Variants in TRPM3 observed in about 807,000 individuals in gnomAD.
TRPM3 encodes the protein long transient receptor potential channel 3.
TRPM3 carries 77 observed loss-of-function variants against 181.2 expected under a neutral mutation model. The observed-to-expected ratio is 0.42, with a 90% CI of 0.35 to 0.51. TRPM3 has a LOEUF of 0.51. Ranked by LOEUF, TRPM3 falls within the 20% of genes least tolerant of loss-of-function variation. The pLI is 0.01. For synonymous variants in TRPM3, 745 were observed against 796.4 expected (o/e 0.94, Z 1.09); for missense variants, 1,759 against 2,196.7 (o/e 0.80, Z 3.98).
chr9:71,333,021 G>A (rs1250148243), intron 1 of TRPM3, among the ~76,000 whole-genome samples: 1 of 151,902 alleles, frequency 6.6e-6, no homozygotes, highest in Non-Finnish European at 1.5e-5. Context: ...TCTCTTTCAA[G>A]TATAATACTT....
intron 1 of TRPM3, among the ~76,000 whole-genome samples, chr9:71,002,258 A>T (rs1195980762): frequency 2.6e-5 from 4 of 152,220 alleles, no homozygotes; most frequent in African/African-American, 9.7e-5. Flanking sequence ...TCATCATGGA[A>T]GCATAACCTG....
At chr9:71,019,596 G>A (rs572866839) in intron 1 of TRPM3, among the ~76,000 whole-genome samples, 1 of 151,842 alleles carries the variant, frequency 6.6e-6, no homozygotes, top group East Asian at 1.9e-4. Context: ...ATAATTGGGG[G>A]GAATATATAC....
upstream of TRPM3, among the ~76,000 whole-genome samples, chr9:71,125,102 C>T (rs1321166453): frequency 1.3e-5 from 2 of 152,104 alleles, no homozygotes; most frequent in South Asian, 2.1e-4. Flanking sequence ...TAGACACTTT[C>T]GTTTGCTTCA....
chr9:71,088,161 A>G (rs867625739), intron 1 of TRPM3, among the ~76,000 whole-genome samples: 2 of 152,106 alleles, frequency 1.3e-5, no homozygotes, highest in South Asian at 4.1e-4. Flanking sequence ...TCAGCCTACT[A>G]TGGAAGACGA....
intron 1 of TRPM3, among the ~76,000 whole-genome samples, chr9:71,321,421 C>T (rs1443729292): frequency 6.6e-6 from 1 of 152,124 alleles, no homozygotes; most frequent in Non-Finnish European, 1.5e-5. Flanking sequence ...TTATGTCCCT[C>T]CCTTGCTTAG....
At chr9:71,383,941 T>TA (rs1038284449) in intron 1 of TRPM3, among the ~76,000 whole-genome samples, 1 of 152,194 alleles carries the variant, frequency 6.6e-6, no homozygotes, top group Non-Finnish European at 1.5e-5. Flanking sequence ...GCTTATAAGT[T>TA]AGAGTTTTTT....
intron 9 of TRPM3, among the ~76,000 whole-genome samples, chr9:70,673,308 T>C (rs2134108695): frequency 6.6e-6 from 1 of 151,956 alleles, no homozygotes; most frequent in Non-Finnish European, 1.5e-5. Context: ...TCAAAGTTAA[T>C]GATTTGAATA....
intron 1 of TRPM3, among the ~76,000 whole-genome samples, chr9:71,025,166 C>A (rs565969189): frequency 2.6e-5 from 4 of 152,158 alleles, no homozygotes; most frequent in Non-Finnish European, 5.9e-5. Flanking sequence ...TACTCATTCC[C>A]CCAAATAGAA....
intron 1 of TRPM3, among the ~76,000 whole-genome samples, chr9:71,154,496 C>T (rs1175654342): frequency 6.6e-6 from 1 of 152,116 alleles, no homozygotes. Context: ...CACCAGCAAA[C>T]TCCAACTGGC....
At chr9:71,246,097 G>T (rs765716593) in intron 1 of TRPM3, among the ~76,000 whole-genome samples, 29 of 152,128 alleles carry the variant, frequency 1.9e-4, no homozygotes, top group African/African-American at 7.0e-4. Context: ...TTTGGGAAGT[G>T]GACTGCTGCA....
chr9:70,623,844 T>C (rs2064029972), intron 14 of TRPM3, among the ~76,000 whole-genome samples: 1 of 150,798 alleles, frequency 6.6e-6, no homozygotes, highest in Non-Finnish European at 1.5e-5. Context: ...CTTATGCGAT[T>C]GTTTGGATTG....
intron 1 of TRPM3, among the ~76,000 whole-genome samples, chr9:71,193,549 C>T (rs1469132977): frequency 6.6e-6 from 1 of 151,886 alleles, no homozygotes; most frequent in Non-Finnish European, 1.5e-5. Context: ...ATGCTGCTAA[C>T]TCCCTTTATA....
intron 24 of TRPM3, among the ~76,000 whole-genome samples, chr9:70,551,178 A>G (rs1439299046): frequency 6.6e-6 from 1 of 152,206 alleles, no homozygotes; most frequent in Non-Finnish European, 1.5e-5. Flanking sequence ...TAAATTGTAC[A>G]TTTCAGTGTT....
intron 6 of TRPM3, among the ~76,000 whole-genome samples, chr9:70,803,486 C>CA (rs2089849286): frequency 7.2e-6 from 1 of 139,260 alleles, no homozygotes; most frequent in African/African-American, 2.7e-5. Context: ...GAGTCTCGCT[C>CA]AGCCTGGGCT....
intron 9 of TRPM3, among the ~76,000 whole-genome samples, chr9:70,657,542 T>TGGCCTAACA (rs2060532802): frequency 6.6e-6 from 1 of 152,186 alleles, no homozygotes; most frequent in South Asian, 2.1e-4. Flanking sequence ...CTGGCCTAAC[T>TGGCCTAACA]GGCCTAACAG....
At chr9:71,086,116 A>G (rs543856400) in intron 1 of TRPM3, among the ~76,000 whole-genome samples, 80 of 152,158 alleles carry the variant, frequency 5.3e-4, no homozygotes, top group Admixed American at 3.9e-3. Context: ...CAAATACTGC[A>G]TGTTCTCACT....
intron 1 of TRPM3, among the ~76,000 whole-genome samples, chr9:70,941,076 A>C (rs1348955755): frequency 6.6e-6 from 1 of 152,174 alleles, no homozygotes; most frequent in Non-Finnish European, 1.5e-5. Flanking sequence ...GTTAATACTG[A>C]TTGTCAACTC....
chr9:70,579,041 ATGAGAGATTATCTTG>A (rs2054852221), intron 22 of TRPM3: 1 of 152,200 alleles, frequency 6.6e-6, no homozygotes, highest in Non-Finnish European at 1.5e-5. Context: ...GACCTTGACT[ATGAGAGATTATCTTG>A]TGATCATAAG....
chr9:70,821,501 T>C (rs916173716), intron 6 of TRPM3, among the ~76,000 whole-genome samples: 2 of 152,240 alleles, frequency 1.3e-5, no homozygotes, highest in Admixed American at 1.3e-4. Context: ...AGCTAACACA[T>C]GTTTATTAAG....
Sources: gnomAD v4.1 joint callset for allele counts (sites outside exome capture counted in the v4.1 genomes callset) on GRCh38, gnomAD v4.1.1 for gene constraint, MANE v1.5 for transcripts, NCBI Gene and HGNC (gene_info 2026-07-23, HGNC 2026-07-21) for gene names.